The following CADM2 variants were observed in gnomAD, a reference collection of about 807,000 sequenced individuals.
CADM2 encodes cell adhesion molecule 2.
A neutral mutation model predicts 49.8 loss-of-function variants in CADM2; 12 were observed. The observed-to-expected ratio is 0.24, with a 90% CI of 0.15 to 0.39. The LOEUF is 0.39. Among genes scored for constraint, CADM2 ranks in the 10% least tolerant of loss-of-function variants. CADM2 has a pLI of 1.00. For missense variants in CADM2, 378 were observed against 492.3 expected (o/e 0.77, Z 2.20); for synonymous variants, 214 against 175.4 (o/e 1.22, Z -1.74).
At chr3:85,060,030 C>T (rs564688249) in intron 1 of CADM2, among the ~76,000 whole-genome samples, 29 of 152,254 alleles carry the variant, frequency 1.9e-4, no homozygotes, top group African/African-American at 7.0e-4. Flanking sequence ...CAGTAATTCT[C>T]GATTTCAGTC....
intron 3 of CADM2, among the ~76,000 whole-genome samples, chr3:85,841,019 C>T (rs541723069): frequency 5.3e-4 from 81 of 151,590 alleles, no homozygotes; most frequent in African/African-American, 1.9e-3. Context: ...TTATAACTCA[C>T]TTTATAAGAC....
At chr3:85,643,560 T>C (rs1490727086) in intron 1 of CADM2, among the ~76,000 whole-genome samples, 1 of 152,142 alleles carries the variant, frequency 6.6e-6, no homozygotes, top group Non-Finnish European at 1.5e-5. Context: ...TTACAGTTTA[T>C]TCAGTTTAAA....
intron 1 of CADM2, among the ~76,000 whole-genome samples, chr3:85,534,805 A>G (rs1001525054): frequency 6.6e-6 from 1 of 152,120 alleles, no homozygotes; most frequent in African/African-American, 2.4e-5. Flanking sequence ...TCTATCTTCT[A>G]TCTCAAGCTC....
At chr3:85,547,628 C>G (rs2061699332) in intron 1 of CADM2, among the ~76,000 whole-genome samples, 1 of 152,136 alleles carries the variant, frequency 6.6e-6, no homozygotes, top group Admixed American at 6.6e-5. Flanking sequence ...TGCTTAGGCC[C>G]TTTCCACCTC....
intron 1 of CADM2, among the ~76,000 whole-genome samples, chr3:85,707,755 C>G (rs1294542700): frequency 2.0e-5 from 3 of 152,058 alleles, no homozygotes; most frequent in Non-Finnish European, 4.4e-5. Context: ...GTATGATTTG[C>G]CTTTTTAAGT....
chr3:86,006,995 A>G (rs1277265030), intron 8 of CADM2, among the ~76,000 whole-genome samples: 1 of 152,072 alleles, frequency 6.6e-6, no homozygotes, highest in East Asian at 1.9e-4. Context: ...GGCCGAGATC[A>G]CGCCATTGCA....
At chr3:85,810,001 A>G (rs569317179) in intron 3 of CADM2, among the ~76,000 whole-genome samples, 1 of 152,062 alleles carries the variant, frequency 6.6e-6, no homozygotes, top group African/African-American at 2.4e-5. Context: ...ATTGCAGTTA[A>G]AGAAGAATAA....
At chr3:85,307,191 A>C (rs1054708526) in intron 1 of CADM2, among the ~76,000 whole-genome samples, 46 of 150,602 alleles carry the variant, frequency 3.1e-4, no homozygotes, top group African/African-American at 1.1e-3. Flanking sequence ...GTTTATACAC[A>C]TATTATATAT....
intron 1 of CADM2, among the ~76,000 whole-genome samples, chr3:85,648,157 A>T (rs2064943127): frequency 6.6e-6 from 1 of 151,954 alleles, no homozygotes; most frequent in Non-Finnish European, 1.5e-5. Context: ...AAAGTTAATT[A>T]AAATTTCCCA....
intron 1 of CADM2, among the ~76,000 whole-genome samples, chr3:85,586,733 A>T (rs2062956621): frequency 6.6e-6 from 1 of 152,104 alleles, no homozygotes; most frequent in Admixed American, 6.6e-5. Flanking sequence ...CAATTTGACC[A>T]CACAACTTCA....
At chr3:85,607,819 G>C (rs2107435691) in intron 1 of CADM2, among the ~76,000 whole-genome samples, 1 of 151,954 alleles carries the variant, frequency 6.6e-6, no homozygotes, top group South Asian at 2.1e-4. Flanking sequence ...ACCATGCCCA[G>C]CTAATTTTTG....
intron 1 of CADM2, among the ~76,000 whole-genome samples, chr3:85,440,542 G>A (rs2037151642): frequency 1.3e-5 from 2 of 152,078 alleles, no homozygotes; most frequent in Admixed American, 6.6e-5. Flanking sequence ...TTGAAACATT[G>A]CGACCTTAGG....
chr3:85,074,247 C>T (rs920534717), intron 1 of CADM2, among the ~76,000 whole-genome samples: 2 of 152,042 alleles, frequency 1.3e-5, no homozygotes, highest in Non-Finnish European at 1.5e-5. Context: ...CCTTTGCCTA[C>T]GATGCTATTC....
At chr3:85,903,491 C>A (rs1173728904) in intron 5 of CADM2, among the ~76,000 whole-genome samples, 1 of 151,750 alleles carries the variant, frequency 6.6e-6, no homozygotes, top group Non-Finnish European at 1.5e-5. Flanking sequence ...ACATTTTTTC[C>A]TTCTTTTAGC....
intron 1 of CADM2, among the ~76,000 whole-genome samples, chr3:85,349,057 T>C (rs1287379459): frequency 6.6e-6 from 1 of 152,096 alleles, no homozygotes; most frequent in Non-Finnish European, 1.5e-5. Flanking sequence ...TATTCAGAGT[T>C]TCCCTGTATG....
intron 2 of CADM2, among the ~76,000 whole-genome samples, chr3:85,756,611 A>G (rs1296753368): frequency 6.6e-6 from 1 of 152,194 alleles, no homozygotes; most frequent in East Asian, 1.9e-4. Flanking sequence ...ACATACGGAC[A>G]TCATATTAAA....
intron 1 of CADM2, among the ~76,000 whole-genome samples, chr3:85,702,062 C>A (rs938820304): frequency 6.6e-6 from 1 of 152,118 alleles, no homozygotes; most frequent in Admixed American, 6.5e-5. Context: ...TAATTTAGTA[C>A]AACTGATGAT....
chr3:85,106,722 A>T (rs1428212729), intron 1 of CADM2, among the ~76,000 whole-genome samples: 1 of 152,134 alleles, frequency 6.6e-6, no homozygotes, highest in Non-Finnish European at 1.5e-5. Flanking sequence ...GATCAGGGAA[A>T]ATGTGATGGC....
At chr3:85,133,903 G>C (rs549888260) in intron 1 of CADM2, among the ~76,000 whole-genome samples, 2 of 152,348 alleles carry the variant, frequency 1.3e-5, no homozygotes, top group South Asian at 4.1e-4. Context: ...GGGCGCCGTG[G>C]AGCAGGGGGC....
Sources: gnomAD v4.1 joint callset for allele counts (sites outside exome capture counted in the v4.1 genomes callset) on GRCh38, gnomAD v4.1.1 for gene constraint, MANE v1.5 for transcripts, NCBI Gene and HGNC (gene_info 2026-07-23, HGNC 2026-07-21) for gene names.